CLSTN2: variants seen among roughly 807,000 people sequenced by gnomAD.
CLSTN2 encodes calsyntenin-2.
Under a neutral mutation model 101.2 loss-of-function variants are expected in CLSTN2, and 48 were observed. That is an observed-to-expected ratio of 0.47 (90% CI 0.38 to 0.60). CLSTN2 has a LOEUF of 0.60. Among genes scored for constraint, CLSTN2 ranks in the 20% least tolerant of loss-of-function variants. CLSTN2 has a pLI of 0.00. For missense variants in CLSTN2, 1,160 were observed against 1,238.2 expected, an observed-to-expected ratio of 0.94 and a Z score of 0.95; for synonymous variants, 481 against 463.6, an observed-to-expected ratio of 1.04 and a Z score of -0.48.
intron 8 of CLSTN2, among the ~76,000 whole-genome samples, chr3:140,523,214 G>A (rs962558450): frequency 6.6e-6 from 1 of 152,032 alleles, no homozygotes; most frequent in Non-Finnish European, 1.5e-5. Context: ...TGCATCCCTC[G>A]GGCAGTGGCA....
intron 1 of CLSTN2, among the ~76,000 whole-genome samples, chr3:139,939,693 C>T (rs1182543119): frequency 6.6e-6 from 1 of 152,210 alleles, no homozygotes; most frequent in Non-Finnish European, 1.5e-5. Flanking sequence ...TTGAATATTC[C>T]AGATTGCACA....
At position 140,254,705 on chromosome 3, in the gene CLSTN2, A is replaced by G. The variant is rs2086590807; in HGVS notation, c.232+78632A>G. On this transcript the variant is annotated intron_variant, in intron 2 of 16. Coordinates refer to ENST00000458420, the MANE Select transcript of CLSTN2 (RefSeq NM_022131.3). ...AAAATGGATTAAAGACTTAAATGTAAAATCTAAAACTGTACAAACCCTAGA... is the reference window on the plus strand; with the variant it reads ...AAAATGGATTAAAGACTTAAATGTAGAATCTAAAACTGTACAAACCCTAGA... Among the ~76,000 whole-genome samples, 3 of 152,172 alleles carry G rather than the reference A, an allele frequency of 2.0e-5. No homozygotes were observed. In the South Asian group the frequency reaches 6.2e-4, roughly 32 times the overall value.
At chr3:140,086,044 G>A (rs1462235040) in intron 1 of CLSTN2, among the ~76,000 whole-genome samples, 1 of 152,102 alleles carries the variant, frequency 6.6e-6, no homozygotes, top group African/African-American at 2.4e-5. Context: ...TCTCTCATGG[G>A]TCTCTTTTCC....
Position 139,935,336 on chromosome 3 carries a change from G to A in CLSTN2, c.-39G>A, listed in dbSNP as rs1051469441. 181 of 1,125,894 alleles carry A rather than the reference G, an allele frequency of 1.6e-4. No homozygotes were observed. Among genetic ancestry groups the A allele is most frequent in the Non-Finnish European group, 2.0e-4 (176 of 893,636 alleles). The allele number at this position is 1,125,894 out of a possible 1,614,324, so 69.7% of individuals were successfully genotyped here. On this transcript the variant is annotated 5_prime_UTR_variant, in exon 1 of 17. Transcript: ENST00000458420. The surrounding 1 kb of genome is among the most constrained non-coding windows in gnomAD (Gnocchi z 5.5). ...CGGGAGGCGAGAGCCGGCGCGGACAGTAGGCGGCGGCTGCAGCTCGTTGGC... is the reference window on the plus strand; with the variant it reads ...CGGGAGGCGAGAGCCGGCGCGGACAATAGGCGGCGGCTGCAGCTCGTTGGC...
intron 1 of CLSTN2, among the ~76,000 whole-genome samples, chr3:140,157,170 GT>G (rs2009968675): frequency 6.6e-6 from 1 of 151,318 alleles, no homozygotes; most frequent in African/African-American, 2.4e-5. Flanking sequence ...GAGGATTTTT[GT>G]GTCTGTTTAG....
chr3:140,424,889 G>A (rs2088547359), intron 5 of CLSTN2, among the ~76,000 whole-genome samples: 2 of 152,110 alleles, frequency 1.3e-5, no homozygotes, highest in Non-Finnish European at 2.9e-5. Context: ...AGGGGAGGGT[G>A]GGTGGTTGAG....
rs1442221834 is a variant in CLSTN2, at chr3:140,240,219, CACATATAT to C, written c.232+64148_232+64155del. The stretch of plus-strand genomic sequence containing the variant: ...ATATATACACACACACACACACACA[CACATATAT>C]ATATATGCATATATACACATATATA... On this transcript the variant is annotated intron_variant, in intron 2 of 16. Transcript: ENST00000458420. Among the ~76,000 whole-genome samples the C allele has an allele frequency of 6.7e-4, 20 of 29,714 alleles. 1 individual carries two copies. Among genetic ancestry groups the C allele is most frequent in the African/African-American group, 2.0e-3 (19 of 9,478 alleles). 19.5% of individuals were successfully genotyped at this position (29,714 alleles called of 152,430 possible). A position where few individuals can be genotyped will look rare whatever the true frequency, so the allele number is the denominator to read the frequency against.
At chr3:140,306,093 C>G (rs7636625) in intron 2 of CLSTN2, among the ~76,000 whole-genome samples, 2,583 of 152,298 alleles carry the variant, frequency 0.017, 68 homozygotes, top group African/African-American at 0.058. Flanking sequence ...CCTTTCTACA[C>G]ATATCCAGAT....
intron 1 of CLSTN2, among the ~76,000 whole-genome samples, chr3:140,006,936 A>C (rs2006970955): frequency 6.6e-6 from 1 of 152,218 alleles, no homozygotes; most frequent in Non-Finnish European, 1.5e-5. Context: ...TATTTAATGC[A>C]ATATTTTAGA....
At chr3:140,289,792 A>G (rs192358356) in intron 2 of CLSTN2, among the ~76,000 whole-genome samples, 21 of 152,246 alleles carry the variant, frequency 1.4e-4, no homozygotes, top group African/African-American at 4.1e-4. Flanking sequence ...AAATAAAAAT[A>G]TAACCCTGCC....
At chr3:140,272,744 C>G (rs935689559) in intron 2 of CLSTN2, among the ~76,000 whole-genome samples, 2 of 151,976 alleles carry the variant, frequency 1.3e-5, no homozygotes, top group Non-Finnish European at 2.9e-5. Context: ...AGAGCAAGAC[C>G]CTGTCTTCAA....
intron 4 of CLSTN2, among the ~76,000 whole-genome samples, chr3:140,416,927 T>A (rs956522205): frequency 1.3e-4 from 20 of 152,240 alleles, no homozygotes; most frequent in African/African-American, 4.6e-4. Context: ...GCCAAATGTA[T>A]CCTAAAGACT....
At chr3:139,946,885 A>T (rs1935223130) in intron 1 of CLSTN2, among the ~76,000 whole-genome samples, 1 of 152,226 alleles carries the variant, frequency 6.6e-6, no homozygotes, top group African/African-American at 2.4e-5. Context: ...GAAGAAAAGG[A>T]TGGAAGCAGT....
chr3:140,331,452 G>C (rs2087382591), intron 2 of CLSTN2, among the ~76,000 whole-genome samples: 1 of 152,152 alleles, frequency 6.6e-6, no homozygotes, highest in South Asian at 2.1e-4. Context: ...ATCTAGTCAA[G>C]TTGACATCTG....
rs77917829 is a variant in CLSTN2 at position 140,528,662 on chromosome 3, A to G, written c.1345-3662A>G. Among the ~76,000 whole-genome samples, 920 of 150,534 alleles carry G rather than the reference A, an allele frequency of 6.1e-3. 7 individuals carry two copies. Among genetic ancestry groups the G allele is most frequent in the African/African-American group, 0.022 (880 of 39,924 alleles). ...AAAAAAAAGATGAATGAATAGAGGA[A>G]TAAGAGGTTTCTGCTTCATTGCCTT... On this transcript the variant is annotated intron_variant, in intron 8 of 16. Transcript: ENST00000458420.
chr3:140,043,591 A>T (rs1275581099), intron 1 of CLSTN2, among the ~76,000 whole-genome samples: 2 of 152,066 alleles, frequency 1.3e-5, no homozygotes, highest in African/African-American at 4.8e-5. Context: ...AGACATTAAG[A>T]TCTTGCCCAT....
At chr3:140,451,534 C>G (rs1057023872) in intron 6 of CLSTN2, among the ~76,000 whole-genome samples, 24 of 152,162 alleles carry the variant, frequency 1.6e-4, no homozygotes, top group African/African-American at 5.1e-4. Flanking sequence ...AGGATCAGTC[C>G]TGCCTCTACA....
intron 5 of CLSTN2, among the ~76,000 whole-genome samples, chr3:140,438,768 T>C (rs1404760840): frequency 6.6e-6 from 1 of 152,208 alleles, no homozygotes; most frequent in Non-Finnish European, 1.5e-5. Flanking sequence ...AATTCATTGA[T>C]CTTAGAAGGA....
At chr3:140,233,349 G>A (rs928504271) in intron 2 of CLSTN2, among the ~76,000 whole-genome samples, 4 of 152,054 alleles carry the variant, frequency 2.6e-5, no homozygotes, top group African/African-American at 9.7e-5. Context: ...CCTTATCCCC[G>A]GATTCTGGGC....
Sources: allele counts gnomAD v4.1 joint callset (sites outside exome capture counted in the v4.1 genomes callset), GRCh38; gene constraint gnomAD v4.1.1; non-coding constraint Gnocchi (gnomAD v3.1); transcripts MANE v1.5; gene names NCBI Gene and HGNC (gene_info 2026-07-23, HGNC 2026-07-21).